Variants in NREP observed in about 807,000 individuals in gnomAD.
NREP encodes neuronal regeneration-related protein.
A neutral mutation model predicts 8.6 loss-of-function variants in NREP; 5 were observed. The ratio of observed to expected loss-of-function variants is 0.58; its 90% confidence interval spans 0.30 to 1.22. NREP has a LOEUF of 1.22. NREP is among the 50% of genes most tolerant of loss of function. NREP has a pLI of 0.07. For synonymous variants in NREP, 27 were observed against 28.0 expected, an observed-to-expected ratio of 0.96 and a Z score of 0.11; for missense variants, 86 against 82.5, an observed-to-expected ratio of 1.04 and a Z score of -0.17.
intron 2 of NREP, among the ~76,000 whole-genome samples, chr5:111,766,998 C>T (rs764234657): frequency 2.6e-5 from 4 of 152,126 alleles, no homozygotes; most frequent in Non-Finnish European, 4.4e-5. Flanking sequence ...TTTTTGTCTA[C>T]TTTTCACAAA....
intron 2 of NREP, among the ~76,000 whole-genome samples, chr5:111,883,295 C>T (rs979752682): frequency 6.6e-6 from 1 of 152,100 alleles, no homozygotes; most frequent in African/African-American, 2.4e-5. Flanking sequence ...TATGTGCACC[C>T]AATACAGGAG....
intron 2 of NREP, among the ~76,000 whole-genome samples, chr5:111,845,525 C>A (rs1388938038): frequency 6.6e-6 from 1 of 152,048 alleles, no homozygotes; most frequent in East Asian, 1.9e-4. Flanking sequence ...AATTTGTACA[C>A]AATTATTAAC....
At chr5:111,950,168 C>T (rs1440960293) in intron 2 of NREP, among the ~76,000 whole-genome samples, 8 of 151,936 alleles carry the variant, frequency 5.3e-5, no homozygotes, top group Non-Finnish European at 1.2e-4. Flanking sequence ...TTTTGATTTG[C>T]ATTTCTCTAA....
intron 2 of NREP, among the ~76,000 whole-genome samples, chr5:111,813,163 G>T (rs1324777457): frequency 6.6e-6 from 1 of 152,076 alleles, no homozygotes; most frequent in African/African-American, 2.4e-5. Context: ...TGAAGTCCAG[G>T]TATATTAAGT....
chr5:111,891,514 C>T (rs1022451792), intron 2 of NREP, among the ~76,000 whole-genome samples: 1 of 152,200 alleles, frequency 6.6e-6, no homozygotes, highest in African/African-American at 2.4e-5. Flanking sequence ...TATAGCGATG[C>T]CCCACTCCTC....
At chr5:111,971,661 G>C (rs1470000930) in intron 2 of NREP, among the ~76,000 whole-genome samples, 3 of 152,074 alleles carry the variant, frequency 2.0e-5, no homozygotes, top group African/African-American at 4.8e-5. Context: ...TGGGAAAACT[G>C]GATACCCACA....
chr5:111,932,670 T>C (rs534715165), intron 2 of NREP, among the ~76,000 whole-genome samples: 1 of 152,234 alleles, frequency 6.6e-6, no homozygotes, highest in East Asian at 1.9e-4. Context: ...AAACATTTGG[T>C]ATAAATAAAA....
intron 2 of NREP, among the ~76,000 whole-genome samples, chr5:111,774,135 C>T (rs1312631693): frequency 1.3e-5 from 2 of 151,232 alleles, no homozygotes; most frequent in Non-Finnish European, 2.9e-5. Context: ...ATTTAGTTCT[C>T]CTTATATTAC....
chr5:111,874,125 G>T (rs1157430446), intron 2 of NREP, among the ~76,000 whole-genome samples: 1 of 151,988 alleles, frequency 6.6e-6, no homozygotes, highest in Non-Finnish European at 1.5e-5. Flanking sequence ...TCTCTGCAGG[G>T]TTCATTGGGG....
At chr5:111,743,300 A>G (rs1438904903) in intron 2 of NREP, among the ~76,000 whole-genome samples, 1 of 152,004 alleles carries the variant, frequency 6.6e-6, no homozygotes, top group African/African-American at 2.4e-5. Context: ...AGCTTGCAGC[A>G]AAAAGGCCCC....
intron 2 of NREP, among the ~76,000 whole-genome samples, chr5:111,940,544 G>A (rs1166370942): frequency 1.3e-5 from 2 of 152,012 alleles, no homozygotes; most frequent in East Asian, 3.9e-4. Flanking sequence ...TTGGAGAGAA[G>A]AGCTAAAGTA....
At chr5:111,853,908 T>G (rs1753365666) in intron 2 of NREP, among the ~76,000 whole-genome samples, 1 of 152,120 alleles carries the variant, frequency 6.6e-6, no homozygotes, top group Non-Finnish European at 1.5e-5. Context: ...CGCACCATGA[T>G]TCAGCCACAG....
chr5:111,730,185 G>A lies in NREP; in HGVS notation c.*736C>T, dbSNP rs1027681821. On this transcript the variant is annotated 3_prime_UTR_variant, in exon 4 of 4. Coordinates refer to ENST00000257435, the MANE Select transcript of NREP (RefSeq NM_004772.4). ...GGTCTCTCACACTCTGGTAGCATTC[G>A]CTCAACCTACAACACTGAGGAAGAA... 2.0e-5 allele frequency: 3 copies of A among 152,422 alleles called. No individual in the cohort carries two copies. The highest frequency in any genetic ancestry group is 2.9e-5 in the Non-Finnish European group (2 of 68,022). 9.4% of individuals were successfully genotyped at this position (152,422 alleles called of 1,614,324 possible). A position where few individuals can be genotyped will look rare whatever the true frequency, so the allele number is the denominator to read the frequency against.
chr5:111,848,911 G>T (rs1753244666), intron 2 of NREP, among the ~76,000 whole-genome samples: 2 of 152,146 alleles, frequency 1.3e-5, no homozygotes, highest in African/African-American at 2.4e-5. Context: ...TTCAATAAAT[G>T]ATAGCTTTGG....
intron 2 of NREP, among the ~76,000 whole-genome samples, chr5:111,967,303 T>C (rs1399965125): frequency 2.0e-5 from 3 of 147,884 alleles, no homozygotes; most frequent in African/African-American, 7.5e-5. Flanking sequence ...TATTTTTTTC[T>C]TTGTCATTGC....
intron 2 of NREP, among the ~76,000 whole-genome samples, chr5:111,819,482 C>A (rs2112922834): frequency 6.6e-6 from 1 of 152,288 alleles, no homozygotes; most frequent in East Asian, 1.9e-4. Flanking sequence ...TAAAAATTGC[C>A]TTGCTGAGAA....
chr5:111,904,124 C>G (rs1754718782), intron 2 of NREP, among the ~76,000 whole-genome samples: 1 of 152,040 alleles, frequency 6.6e-6, no homozygotes, highest in South Asian at 2.1e-4. Flanking sequence ...CATATACTCC[C>G]TCTCTCCTCC....
At chr5:111,807,171 A>G (rs1752162692) in intron 2 of NREP, among the ~76,000 whole-genome samples, 1 of 152,208 alleles carries the variant, frequency 6.6e-6, no homozygotes, top group Admixed American at 6.5e-5. Context: ...TCTTAAAACT[A>G]ACCCCCAAAT....
At chr5:111,898,859 C>A (rs918475404) in intron 2 of NREP, among the ~76,000 whole-genome samples, 1 of 152,046 alleles carries the variant, frequency 6.6e-6, no homozygotes, top group Admixed American at 6.6e-5. Flanking sequence ...TGTTAACTCA[C>A]TTATAATGGA....
Sources: gnomAD v4.1 joint callset for allele counts (sites outside exome capture counted in the v4.1 genomes callset) on GRCh38, gnomAD v4.1.1 for gene constraint, MANE v1.5 for transcripts, NCBI Gene and HGNC (gene_info 2026-07-23, HGNC 2026-07-21) for gene names.